BMAL1: variants seen among roughly 807,000 people sequenced by gnomAD.
BMAL1 encodes basic helix-loop-helix ARNT like 1.
chr11:13,334,542 T>TC, the BMAL1 span, among the ~76,000 whole-genome samples: 1 of 151,536 alleles, frequency 6.6e-6, no homozygotes, highest in Non-Finnish European at 1.5e-5. Context: ...TTTTTTTTTT[T>TC]CCTGAACATG....
At chr11:13,321,142 T>C in the BMAL1 span, among the ~76,000 whole-genome samples, 2 of 152,240 alleles carry the variant, frequency 1.3e-5, no homozygotes, top group Admixed American at 6.5e-5. Flanking sequence ...ACTGAAAATT[T>C]CTTAAAGAAT....
chr11:13,376,836 C>T, the BMAL1 span: 3 of 1,024,900 alleles, frequency 2.9e-6, no homozygotes, highest in Non-Finnish European at 1.4e-6. Flanking sequence ...TTCTGTGGAA[C>T]AAGGGAGGCC....
chr11:13,285,661 G>A, the BMAL1 span, among the ~76,000 whole-genome samples: 6 of 152,162 alleles, frequency 3.9e-5, no homozygotes, highest in Non-Finnish European at 7.3e-5. Context: ...AGGCTAGTGT[G>A]ACTCGATTAT....
the BMAL1 span, chr11:13,374,346 G>A: frequency 1.4e-6 from 1 of 708,086 alleles, no homozygotes; most frequent in Non-Finnish European, 2.4e-6. Context: ...TCTGTGTGAA[G>A]AGGAAGCTGA....
At chr11:13,372,675 T>C in the BMAL1 span, among the ~76,000 whole-genome samples, 1 of 152,062 alleles carries the variant, frequency 6.6e-6, no homozygotes, top group African/African-American at 2.4e-5. Flanking sequence ...CCAGGCATGG[T>C]GACACATACC....
the BMAL1 span, chr11:13,381,141 G>GT: frequency 6.2e-7 from 1 of 1,611,356 alleles, no homozygotes. Context: ...AAAAGGCAGT[G>GT]TAATTCTCTT....
chr11:13,294,274 C>T, the BMAL1 span, among the ~76,000 whole-genome samples: 4,596 of 152,218 alleles, frequency 0.03, 152 homozygotes, highest in African/African-American at 0.083. Flanking sequence ...ATTCACAGTG[C>T]GCTCTAAACT....
the BMAL1 span, among the ~76,000 whole-genome samples, chr11:13,335,401 A>G: frequency 6.6e-6 from 1 of 152,180 alleles, no homozygotes; most frequent in African/African-American, 2.4e-5. Context: ...GTCTGTAGAA[A>G]TGCTACTGGT....
chr11:13,365,137 C>T, the BMAL1 span, among the ~76,000 whole-genome samples: 2 of 152,090 alleles, frequency 1.3e-5, no homozygotes, highest in Non-Finnish European at 2.9e-5. Flanking sequence ...TCTGACTCTC[C>T]ATAGAGTTGT....
chr11:13,378,007 T>C, the BMAL1 span, among the ~76,000 whole-genome samples: 1 of 152,240 alleles, frequency 6.6e-6, no homozygotes, highest in Non-Finnish European at 1.5e-5. Flanking sequence ...GGTTTTCCTG[T>C]TAAACTGTGA....
chr11:13,287,352 T>C, the BMAL1 span, among the ~76,000 whole-genome samples: 2 of 152,284 alleles, frequency 1.3e-5, no homozygotes, highest in South Asian at 2.1e-4. Context: ...CTTGAAGGCA[T>C]AGCGAGGAGT....
the BMAL1 span, among the ~76,000 whole-genome samples, chr11:13,373,796 A>C: frequency 6.6e-6 from 1 of 152,214 alleles, no homozygotes; most frequent in African/African-American, 2.4e-5. Flanking sequence ...GGCATGAACC[A>C]CCATGCCCGA....
chr11:13,381,232 C>G, the BMAL1 span: 9 of 1,614,098 alleles, frequency 5.6e-6, no homozygotes, highest in Non-Finnish European at 6.8e-6. Context: ...CCCCCTGATG[C>G]CTCTTCTCCA....
At chr11:13,278,112 TG>T in the BMAL1 span, among the ~76,000 whole-genome samples, 1 of 151,848 alleles carries the variant, frequency 6.6e-6, no homozygotes, top group African/African-American at 2.4e-5. Context: ...ACCCGGGCCG[TG>T]GGGAGGCTGC....
chr11:13,352,037 T>C, the BMAL1 span, among the ~76,000 whole-genome samples: 8 of 151,978 alleles, frequency 5.3e-5, no homozygotes, highest in East Asian at 1.5e-3. Flanking sequence ...GGTGCAGGAT[T>C]GGGCTGGGGT....
the BMAL1 span, among the ~76,000 whole-genome samples, chr11:13,350,248 C>T: frequency 6.6e-6 from 1 of 152,176 alleles, no homozygotes; most frequent in Non-Finnish European, 1.5e-5. Flanking sequence ...GGAGGTACTT[C>T]ATGTCTGCTG....
chr11:13,312,405 G>T, the BMAL1 span, among the ~76,000 whole-genome samples: 8 of 152,272 alleles, frequency 5.3e-5, no homozygotes, highest in African/African-American at 1.9e-4. Flanking sequence ...GAGTCCCTCA[G>T]GTTAAATATT....
At chr11:13,359,533 G>A in the BMAL1 span, among the ~76,000 whole-genome samples, 4 of 152,132 alleles carry the variant, frequency 2.6e-5, no homozygotes, top group Non-Finnish European at 5.9e-5. Context: ...GGAAAAAAGT[G>A]GCAAATCTCA....
the BMAL1 span, chr11:13,380,038 A>C: frequency 6.6e-6 from 1 of 152,258 alleles, no homozygotes; most frequent in Admixed American, 6.5e-5. Context: ...TGACACTGCC[A>C]AAAGAGAAAT....
Sources: gnomAD v4.1 joint callset for allele counts (sites outside exome capture counted in the v4.1 genomes callset) on GRCh38, gnomAD v4.1.1 for gene constraint, MANE v1.5 for transcripts, NCBI Gene and HGNC (gene_info 2026-07-23, HGNC 2026-07-21) for gene names.